Variants in EMCN observed in about 807,000 individuals in gnomAD.
EMCN encodes endomucin.
Under a neutral mutation model 38.4 loss-of-function variants are expected in EMCN, and 37 were observed. The ratio of observed to expected loss-of-function variants is 0.96; its 90% CI spans 0.74 to 1.27. The LOEUF (loss-of-function observed/expected upper bound fraction) is 1.27, where lower values mean the gene tolerates loss of function less well. Ranked by LOEUF, EMCN falls within the 50% of genes most tolerant of loss-of-function variation. The pLI, the probability that EMCN is intolerant of heterozygous loss-of-function variation, is 0.00. For missense variants in EMCN, 318 were observed against 302.8 expected, an observed-to-expected ratio of 1.05 and a Z score of -0.37; for synonymous variants, 95 against 100.8, an observed-to-expected ratio of 0.94 and a Z score of 0.35.
At chr4:100,415,805 C>G in intron 10 of EMCN, 93 bp downstream of exon 10, 1 of 821,478 alleles carries the variant, frequency 1.2e-6, no homozygotes, top group South Asian at 1.7e-5. Flanking sequence ...GAAGTTAGGC[C>G]TTTTGTTTAT....
At chr4:100,502,296 C>T (rs1729371619) in intron 1 of EMCN, among the ~76,000 whole-genome samples, 1 of 152,182 alleles carries the variant, frequency 6.6e-6, no homozygotes. Flanking sequence ...AAGACAAAAC[C>T]TCCATGTTGA....
intron 1 of EMCN, among the ~76,000 whole-genome samples, chr4:100,516,104 A>C (rs944398833): frequency 1.3e-5 from 2 of 152,056 alleles, no homozygotes; most frequent in African/African-American, 4.8e-5. Context: ...GCTCAAATGG[A>C]AATTATCCTA....
intron 1 of EMCN, among the ~76,000 whole-genome samples, chr4:100,484,296 T>C (rs2110285301): frequency 6.6e-6 from 1 of 152,296 alleles, no homozygotes; most frequent in South Asian, 2.1e-4. Context: ...AGAATTCAGC[T>C]TATAGTTGGA....
Position 100,410,343 on chromosome 4 carries a change from G to A in EMCN, c.764C>T (p.Ala255Val), listed in dbSNP as rs1726517340. 1.2e-6 allele frequency: 2 copies of A among 1,613,776 alleles called. No individual in the cohort carries two copies. Among genetic ancestry groups the A allele is most frequent in the Non-Finnish European group, 1.7e-6 (2 of 1,179,740 alleles). ...TISHESGEHS[A>V]QGKTKN ...CTGTCAGTTCTTGGTTTTTCCTTGT[G>A]CAGAGTGCTCACCTGAGAACAGAAG... The change falls in exon 11 of 12, where the codon GCA becomes GTA. Residue 255 changes from alanine (A) to valine (V), a missense_variant. Physicochemically the swap from Ala to Val is moderately conservative, Grantham distance 64. Coordinates refer to ENST00000296420, the MANE Select transcript of EMCN (RefSeq NM_016242.4).
intron 1 of EMCN, chr4:100,487,105 T>C: frequency 1.3e-6 from 1 of 758,188 alleles, no homozygotes; most frequent in Non-Finnish European, 1.6e-6. Context: ...ATCTTGGCAA[T>C]GCTCCTTGGC....
intron 1 of EMCN, among the ~76,000 whole-genome samples, chr4:100,485,904 A>G (rs1384132555): frequency 6.6e-6 from 1 of 152,170 alleles, no homozygotes; most frequent in Non-Finnish European, 1.5e-5. Context: ...ATTGTAAGAT[A>G]TCATATAAAA....
chr4:100,409,979 G>A (rs1240920058), intron 11 of EMCN, among the ~76,000 whole-genome samples: 2 of 152,218 alleles, frequency 1.3e-5, no homozygotes, highest in Non-Finnish European at 2.9e-5. Context: ...GTTAGTGTGT[G>A]CTTACTGACC....
At chr4:100,451,646 T>C (rs2110247537) in intron 4 of EMCN, among the ~76,000 whole-genome samples, 1 of 152,044 alleles carries the variant, frequency 6.6e-6, no homozygotes, top group Middle Eastern at 3.4e-3. Context: ...TGAGAACAAG[T>C]GTGGTATAGT....
intron 2 of EMCN, among the ~76,000 whole-genome samples, chr4:100,475,777 A>G (rs1044544831): frequency 2.8e-5 from 4 of 142,530 alleles, no homozygotes; most frequent in African/African-American, 5.3e-5. Context: ...TCCTGGGTTC[A>G]CGCCATTCTC....
At chr4:100,483,238 C>G (rs1728858296) in intron 1 of EMCN, 1 of 151,936 alleles carries the variant, frequency 6.6e-6, no homozygotes, top group African/African-American at 2.4e-5. Context: ...CACTGAGGCT[C>G]AAAAAGGGTA....
chr4:100,430,854 T>A (rs1460597998), intron 5 of EMCN, among the ~76,000 whole-genome samples: 1 of 152,212 alleles, frequency 6.6e-6, no homozygotes, highest in East Asian at 1.9e-4. Context: ...CTCAATTAAT[T>A]TTCTAAACAT....
chr4:100,446,287 A>C (rs1322271805), intron 5 of EMCN: 1 of 773,716 alleles, frequency 1.3e-6, no homozygotes, highest in Non-Finnish European at 1.6e-6. Flanking sequence ...GTGATTAATG[A>C]ATTAAAAAAA....
intron 1 of EMCN, among the ~76,000 whole-genome samples, chr4:100,505,320 A>C (rs1257368720): frequency 6.6e-6 from 1 of 151,888 alleles, no homozygotes; most frequent in Non-Finnish European, 1.5e-5. Context: ...GGGGAGAAAA[A>C]CTCACTGACC....
intron 5 of EMCN, among the ~76,000 whole-genome samples, chr4:100,436,615 C>T (rs1301128799): frequency 2.0e-5 from 3 of 152,098 alleles, no homozygotes; most frequent in Non-Finnish European, 4.4e-5. Flanking sequence ...TCAACCCAAA[C>T]GTCCATCAGT....
At chr4:100,443,415 G>A (rs1041426301) in intron 5 of EMCN, among the ~76,000 whole-genome samples, 1 of 152,246 alleles carries the variant, frequency 6.6e-6, no homozygotes, top group East Asian at 1.9e-4. Context: ...GGTAATCAAT[G>A]TGCAGCTTCT....
chr4:100,399,910 T>C (rs1395200763), intron 11 of EMCN, among the ~76,000 whole-genome samples: 1 of 152,176 alleles, frequency 6.6e-6, no homozygotes, highest in Non-Finnish European at 1.5e-5. Flanking sequence ...CTTACCCTCC[T>C]CCCAACCCTC....
At chr4:100,458,122 A>T (rs188176102) in intron 4 of EMCN, among the ~76,000 whole-genome samples, 2 of 152,156 alleles carry the variant, frequency 1.3e-5, no homozygotes, top group African/African-American at 4.8e-5. Context: ...TCAAAAAAAA[A>T]AAAGTGTTTC....
chr4:100,444,418 G>A (rs1727609844), intron 5 of EMCN, among the ~76,000 whole-genome samples: 1 of 152,146 alleles, frequency 6.6e-6, no homozygotes, highest in African/African-American at 2.4e-5. Flanking sequence ...CCAGGGCTGG[G>A]AGTTTACTGC....
chr4:100,468,831 A>T (rs536599609), intron 3 of EMCN, among the ~76,000 whole-genome samples: 16 of 152,126 alleles, frequency 1.1e-4, no homozygotes, highest in Non-Finnish European at 2.2e-4. Context: ...CAATATATAG[A>T]TTTTTAAAAA....
Sources: allele counts gnomAD v4.1 joint callset (sites outside exome capture counted in the v4.1 genomes callset), GRCh38; gene constraint gnomAD v4.1.1; transcripts MANE v1.5; gene names NCBI Gene and HGNC (gene_info 2026-07-23, HGNC 2026-07-21).